EPAS1: variants seen among roughly 807,000 people sequenced by gnomAD.
EPAS1 encodes the protein endothelial PAS domain protein 1.
A neutral mutation model predicts 87.9 loss-of-function variants in EPAS1; 23 were observed. The ratio of observed to expected loss-of-function variants is 0.26; its 90% CI spans 0.19 to 0.37. The LOEUF (loss-of-function observed/expected upper bound fraction) is 0.37, where lower values mean the gene tolerates loss of function less well. EPAS1 is among the 10% of genes least tolerant of loss of function. EPAS1 has a pLI of 1.00. For synonymous variants in EPAS1, 508 were observed against 444.3 expected (o/e 1.14, Z -1.80); for missense variants, 1,138 against 1,120.7 (o/e 1.02, Z -0.22).
At chr2:46,298,767 C>T (rs1257871403) in intron 1 of EPAS1, among the ~76,000 whole-genome samples, 2 of 152,218 alleles carry the variant, frequency 1.3e-5, no homozygotes, top group Non-Finnish European at 2.9e-5. Context: ...GCCCTCTCGC[C>T]CTCTCCCGGC....
intron 2 of EPAS1, among the ~76,000 whole-genome samples, chr2:46,352,861 A>G (rs1015909384): frequency 1.1e-4 from 17 of 152,158 alleles, no homozygotes; most frequent in Admixed American, 9.2e-4. Flanking sequence ...TCCCTCCCGG[A>G]GGCCAGCTGA....
At position 46,384,431 on chromosome 2, in the gene EPAS1, C is replaced by T. The variant is rs896722437; in HGVS notation, c.2462-78C>T. 276 of 1,594,290 alleles carry T rather than the reference C, an allele frequency of 1.7e-4. 1 individual carries two copies. The highest frequency in any genetic ancestry group is 2.4e-4 in the Non-Finnish European group (274 of 1,162,806). On this transcript the variant is annotated intron_variant, in intron 15 of 15. Coordinates refer to ENST00000263734, the MANE Select transcript of EPAS1 (RefSeq NM_001430.5). Reference sequence around the variant, plus strand: ...AAATTAGGGCTGCTCTATTGGTATCCCCCAGTCACAAAGAAGTAGACACTT... The same window carrying T: ...AAATTAGGGCTGCTCTATTGGTATCTCCCAGTCACAAAGAAGTAGACACTT...
At chr2:46,381,916 A>T in intron 13 of EPAS1, 59 bp from the exon 14 acceptor site, 1 of 269,822 alleles carries the variant, frequency 3.7e-6, no homozygotes, top group Non-Finnish European at 7.0e-6. Context: ...CAACCCACCC[A>T]GTCTGGGGAC....
chr2:46,360,806 G>A lies in EPAS1; in HGVS notation c.573+50G>A, dbSNP rs372979552. 96 of 1,611,794 alleles carry A rather than the reference G, an allele frequency of 6.0e-5. No individual in the cohort carries two copies. The highest frequency in any genetic ancestry group is 4.7e-4 in the African/African-American group (35 of 74,952). ...GGAGTCCCAGGTGTAGGGTAACGGC[G>A]GTGCAGGGGATGCCTAAGGCCCTAC... On this transcript the variant is annotated intron_variant, in intron 5 of 15. Transcript: ENST00000263734. The surrounding 1 kb of genome is among the most constrained non-coding windows in gnomAD (Gnocchi z 4.5).
In EPAS1 at chr2:46,375,556, G is replaced by C. The variant is rs989195456; in HGVS notation, c.887-134G>C. The C allele has an allele frequency of 6.0e-5, 64 of 1,071,574 alleles. No homozygotes were observed. Among genetic ancestry groups the C allele is most frequent in the Non-Finnish European group, 1.9e-5 (14 of 718,326 alleles). The allele number at this position is 1,071,574 out of a possible 1,614,324, so 66.4% of individuals were successfully genotyped here. On this transcript the variant is annotated intron_variant, in intron 7 of 15. Transcript: ENST00000263734. The surrounding 1 kb of genome is among the most constrained non-coding windows in gnomAD (Gnocchi z 4.1). ...AGCTCCCTCCCAGGTCACTCTCCCTGGTCCTCACTGTCGTGGCGCCCTGTT... is the reference window on the plus strand; with the variant it reads ...AGCTCCCTCCCAGGTCACTCTCCCTCGTCCTCACTGTCGTGGCGCCCTGTT...
chr2:46,308,657 G>T (rs894578227), intron 1 of EPAS1, among the ~76,000 whole-genome samples: 1 of 152,166 alleles, frequency 6.6e-6, no homozygotes, highest in East Asian at 1.9e-4. Context: ...CCACAGTCAG[G>T]TCTTATTGAT....
intron 12 of EPAS1, chr2:46,381,169 C>G: frequency 2.8e-6 from 1 of 357,094 alleles, no homozygotes; most frequent in Non-Finnish European, 5.4e-6. Context: ...TTCCCATCTC[C>G]CCAGCATGCT....
chr2:46,350,312 G>A (rs985440404), intron 2 of EPAS1, among the ~76,000 whole-genome samples: 1 of 152,154 alleles, frequency 6.6e-6, no homozygotes, highest in African/African-American at 2.4e-5. Context: ...TTTATAATAG[G>A]AAATAGCTGG....
chr2:46,380,577 C>G lies in EPAS1; in HGVS notation c.1905C>G (p.Ser635=), dbSNP rs560123310. The part of the protein sequence containing the change: ...STPLSSMGGR[S]NTQWPPDPPL... Reference sequence around the variant, plus strand: ...CTCTCTCTTCCATGGGGGGCAGATCCAATACCCAGTGGCCCCCAGATCCAC... The same window carrying G: ...CTCTCTCTTCCATGGGGGGCAGATCGAATACCCAGTGGCCCCCAGATCCAC... Residue 635 remains serine (S), a synonymous_variant, in exon 12 of 16, where the codon TCC becomes TCG. Coordinates refer to ENST00000263734, the MANE Select transcript of EPAS1 (RefSeq NM_001430.5). The surrounding 1 kb of genome is among the most constrained non-coding windows in gnomAD (Gnocchi z 4.4). 9.3e-6 allele frequency: 15 copies of G among 1,614,152 alleles called. No homozygotes were observed. The highest frequency in any genetic ancestry group is 4.0e-5 in the African/African-American group (3 of 75,030).
intron 1 of EPAS1, among the ~76,000 whole-genome samples, chr2:46,321,529 CTTG>C (rs1396270879): frequency 6.6e-6 from 1 of 152,092 alleles, no homozygotes; most frequent in East Asian, 1.9e-4. Context: ...CCTGCTAACA[CTTG>C]TTATTTTCTG....
chr2:46,326,952 A>C (rs1224111013), intron 1 of EPAS1, among the ~76,000 whole-genome samples: 1 of 152,200 alleles, frequency 6.6e-6, no homozygotes, highest in African/African-American at 2.4e-5. Flanking sequence ...ATCTTGGAGA[A>C]GTCACTTAAA....
At position 46,346,941 on chromosome 2, in the gene EPAS1, A is replaced by T. The variant is rs1684041216; in HGVS notation, c.95A>T (p.Glu32Val). The change falls in exon 2 of 16, where the codon GAG becomes GTG. Residue 32 changes from glutamate to valine, a missense_variant. Physicochemically the swap from Glu to Val is moderately radical, Grantham distance 121. This residue lies in a region of EPAS1 where 351 missense variants were observed against 417.1 expected (regional missense o/e 0.84). Coordinates refer to ENST00000263734, the MANE Select transcript of EPAS1 (RefSeq NM_001430.5). The surrounding 1 kb of genome is among the most constrained non-coding windows in gnomAD (Gnocchi z 4.0). ...CGGTGCCGGCGGAGCAAGGAGACGG[A>T]GGTGTTCTATGAGCTGGCCCATGAG... Reference protein sequence around the residue: ...AARCRRSKETEVFYELAHELP... With the variant: ...AARCRRSKETVVFYELAHELP... 1 of 1,614,200 alleles carries T rather than the reference A, an allele frequency of 6.2e-7. No homozygotes were observed. The highest frequency in any genetic ancestry group is 8.5e-7 in the Non-Finnish European group (1 of 1,180,028).
chr2:46,313,425 C>G (rs1683251395), intron 1 of EPAS1, among the ~76,000 whole-genome samples: 1 of 148,958 alleles, frequency 6.7e-6, no homozygotes, highest in Non-Finnish European at 1.5e-5. Flanking sequence ...TTTAGCAGTA[C>G]TTCCCACATG....
intron 1 of EPAS1, among the ~76,000 whole-genome samples, chr2:46,327,771 G>C (rs1683592596): frequency 6.6e-6 from 1 of 152,168 alleles, no homozygotes; most frequent in Non-Finnish European, 1.5e-5. Context: ...TGTGGAAAAA[G>C]TGTTCTGCCC....
intron 1 of EPAS1, among the ~76,000 whole-genome samples, chr2:46,302,590 C>G (rs1490963375): frequency 1.3e-5 from 2 of 152,072 alleles, no homozygotes; most frequent in African/African-American, 4.8e-5. Context: ...TGATGGACAC[C>G]AGCTCTGATA....
intron 1 of EPAS1, among the ~76,000 whole-genome samples, chr2:46,298,843 A>G (rs1006091285): frequency 3.3e-5 from 5 of 151,060 alleles, no homozygotes; most frequent in African/African-American, 7.3e-5. Context: ...GCGGCCGCGC[A>G]GAAGCAGGCA....
rs3214758 is a variant in EPAS1 at position 46,300,097 on chromosome 2, TA to T, written c.26+2162del. 0.069 allele frequency among the ~76,000 whole-genome samples: 10,478 copies of T among 152,330 alleles called. 1,129 individuals are homozygous for T. The highest frequency in any genetic ancestry group is 0.23 in the African/African-American group (9,512 of 41,562). ...AGGGGTTGTCCAATTCCTATTGGGC[TA>T]ATCAGTTTGAGACTCATTTACTTTT... On this transcript the variant is annotated intron_variant, in intron 1 of 15. Coordinates refer to ENST00000263734, the MANE Select transcript of EPAS1 (RefSeq NM_001430.5). The surrounding 1 kb of genome is among the most constrained non-coding windows in gnomAD (Gnocchi z 4.1).
intron 1 of EPAS1, among the ~76,000 whole-genome samples, chr2:46,331,627 T>C (rs1480540292): frequency 6.6e-6 from 1 of 152,016 alleles, no homozygotes; most frequent in Non-Finnish European, 1.5e-5. Flanking sequence ...AGCTCCGAGG[T>C]TTAAAAATAA....
intron 6 of EPAS1, 104 bp from the exon 7 acceptor site, chr2:46,369,723 G>A: frequency 7.9e-6 from 6 of 760,966 alleles, no homozygotes; most frequent in African/African-American, 3.4e-5. Context: ...GTGTTCATCT[G>A]CATGTGTGTG....
Sources: gnomAD v4.1 joint callset for allele counts (sites outside exome capture counted in the v4.1 genomes callset) on GRCh38, gnomAD v4.1.1 for gene constraint, gnomAD v4.1.1 regional missense constraint, Gnocchi (gnomAD v3.1) non-coding constraint, MANE v1.5 for transcripts, NCBI Gene and HGNC (gene_info 2026-07-23, HGNC 2026-07-21) for gene names.